PIGL: variants seen among roughly 807,000 people sequenced by gnomAD.
PIGL encodes the protein phosphatidylinositol glycan anchor biosynthesis class L, also known as N-acetylglucosaminyl-phosphatidylinositol de-N-acetylase.
In PIGL, 22 loss-of-function variants were observed where a neutral mutation model predicts 31.1. The ratio of observed to expected loss-of-function variants is 0.71; its 90% CI spans 0.51 to 1.01. The LOEUF (loss-of-function observed/expected upper bound fraction) is 1.01, where lower values mean the gene tolerates loss of function less well. Ranked by LOEUF, PIGL falls within the 50% of genes least tolerant of loss-of-function variation. PIGL has a pLI of 0.00. For synonymous variants in PIGL, 131 were observed against 117.4 expected (o/e 1.12, Z -0.75); for missense variants, 302 against 315.9 (o/e 0.96, Z 0.33).
Position 16,233,965 on chromosome 17 carries a change from C to T in PIGL, c.236-6C>T. 2 of 1,557,346 alleles carry T rather than the reference C, an allele frequency of 1.3e-6. No individual in the cohort carries two copies. The highest frequency in any genetic ancestry group is 8.8e-7 in the Non-Finnish European group (1 of 1,130,204). ...AAATCTACCACTGTATATTTGTTAC[C>T]CTCAGGAAATTACTACAATCAAGGA... On this transcript the variant is annotated splice_region_variant and splice_polypyrimidine_tract_variant and intron_variant, in intron 1 of 6. Transcript: ENST00000225609.
At chr17:16,317,051 C>T in intron 5 of PIGL, 1 of 1,109,742 alleles carries the variant, frequency 9.0e-7, no homozygotes. Flanking sequence ...TAAATGACTG[C>T]TGGGTGCTTG....
At chr17:16,253,599 C>T (rs1313832969) in intron 2 of PIGL, among the ~76,000 whole-genome samples, 1 of 152,144 alleles carries the variant, frequency 6.6e-6, no homozygotes, top group African/African-American at 2.4e-5. Context: ...TGCTCAGCCT[C>T]ATCTTTTAGC....
At chr17:16,235,415 G>A (rs1472318410) in intron 2 of PIGL, among the ~76,000 whole-genome samples, 1 of 115,816 alleles carries the variant, frequency 8.6e-6, no homozygotes, top group Non-Finnish European at 1.9e-5. Flanking sequence ...TTATCTGTTT[G>A]TTTCCTGTAT....
At chr17:16,249,565 G>A (rs2092762423) in intron 2 of PIGL, among the ~76,000 whole-genome samples, 2 of 152,212 alleles carry the variant, frequency 1.3e-5, no homozygotes, top group East Asian at 3.8e-4. Flanking sequence ...TGATTATGGA[G>A]GCTGAGAAGT....
intron 1 of PIGL, among the ~76,000 whole-genome samples, chr17:16,222,703 AGCT>A (rs997643337): frequency 1.3e-5 from 2 of 151,646 alleles, no homozygotes; most frequent in African/African-American, 4.8e-5. Context: ...TAGTTCATCA[AGCT>A]GCTATTAAAA....
At chr17:16,257,617 T>C (rs934993430) in intron 2 of PIGL, among the ~76,000 whole-genome samples, 2 of 151,438 alleles carry the variant, frequency 1.3e-5, no homozygotes, top group African/African-American at 2.4e-5. Context: ...ATCATATATA[T>C]GTATCATATA....
At chr17:16,230,459 AT>A (rs1189889948) in intron 1 of PIGL, among the ~76,000 whole-genome samples, 1 of 152,196 alleles carries the variant, frequency 6.6e-6, no homozygotes, top group African/African-American at 2.4e-5. Flanking sequence ...AGATCTTGAC[AT>A]AGCATCTAAA....
intron 2 of PIGL, among the ~76,000 whole-genome samples, chr17:16,289,785 C>A (rs1367565657): frequency 6.6e-6 from 1 of 151,606 alleles, no homozygotes; most frequent in Non-Finnish European, 1.5e-5. Context: ...CTTTTCTTTT[C>A]TTTTTTTAAA....
At chr17:16,278,371 G>A (rs2092904123) in intron 2 of PIGL, among the ~76,000 whole-genome samples, 1 of 152,144 alleles carries the variant, frequency 6.6e-6, no homozygotes, top group South Asian at 2.1e-4. Flanking sequence ...TTACAAGCAT[G>A]AGCCACTGTG....
At chr17:16,285,256 C>T (rs913409785) in intron 2 of PIGL, among the ~76,000 whole-genome samples, 2 of 152,220 alleles carry the variant, frequency 1.3e-5, no homozygotes, top group Non-Finnish European at 2.9e-5. Context: ...ATACCTAGCA[C>T]TCATGCCTTG....
intron 2 of PIGL, among the ~76,000 whole-genome samples, chr17:16,278,778 C>T (rs2092905957): frequency 6.6e-6 from 1 of 151,390 alleles, no homozygotes; most frequent in South Asian, 2.1e-4. Flanking sequence ...ATTTCACTTT[C>T]CTTGCATGTA....
At chr17:16,316,617 C>T in intron 4 of PIGL, 64 bp from the exon 5 acceptor site, 2 of 1,507,422 alleles carry the variant, frequency 1.3e-6, no homozygotes, top group African/African-American at 1.4e-5. Flanking sequence ...TCTGAAGGCC[C>T]CTCCTGTTAC....
chr17:16,298,040 G>A (rs377625875), intron 2 of PIGL, among the ~76,000 whole-genome samples: 4 of 152,060 alleles, frequency 2.6e-5, no homozygotes, highest in Non-Finnish European at 5.9e-5. Flanking sequence ...TAGGTTGCAC[G>A]CCCCTATGAG....
intron 2 of PIGL, among the ~76,000 whole-genome samples, chr17:16,269,175 G>A (rs572115380): frequency 4.6e-5 from 7 of 152,326 alleles, no homozygotes; most frequent in African/African-American, 1.4e-4. Flanking sequence ...AAACTGAGTC[G>A]GGGGAGATTA....
intron 2 of PIGL, among the ~76,000 whole-genome samples, chr17:16,265,491 C>G (rs1040858772): frequency 1.3e-5 from 2 of 152,126 alleles, no homozygotes; most frequent in African/African-American, 4.8e-5. Flanking sequence ...GCCTGTAATC[C>G]CAGCACTTTG....
chr17:16,217,235 A>G lies in PIGL; in HGVS notation c.9A>G (p.Ala3=). The change falls in exon 1 of 7, where the codon GCA becomes GCG. Residue 3 remains alanine (A), a synonymous_variant. Transcript: ENST00000225609. The part of the protein sequence containing the change: ME[A]MWLLCVALAV... Reference sequence around the variant, plus strand: ...AGTGCTGCTTACCCATCATGGAAGCAATGTGGCTCCTGTGTGTGGCGTTGG... The same window carrying G: ...AGTGCTGCTTACCCATCATGGAAGCGATGTGGCTCCTGTGTGTGGCGTTGG... 1 of 1,614,064 alleles carries G rather than the reference A, an allele frequency of 6.2e-7. No individual in the cohort carries two copies. Among genetic ancestry groups the G allele is most frequent in the Non-Finnish European group, 8.5e-7 (1 of 1,179,932 alleles).
chr17:16,249,526 A>G (rs2092762260), intron 2 of PIGL, among the ~76,000 whole-genome samples: 1 of 152,186 alleles, frequency 6.6e-6, no homozygotes, highest in Non-Finnish European at 1.5e-5. Flanking sequence ...TAGATATATG[A>G]GAGGGGATTT....
chr17:16,247,398 C>T (rs1568793963), intron 2 of PIGL, among the ~76,000 whole-genome samples: 1 of 152,176 alleles, frequency 6.6e-6, no homozygotes, highest in Admixed American at 6.5e-5. Context: ...TAAATAGCCT[C>T]ACCAGCTGTG....
intron 2 of PIGL, among the ~76,000 whole-genome samples, chr17:16,280,954 T>C (rs1985977): frequency 0.98 from 148,483 of 152,176 alleles, 72,497 homozygotes; most frequent in Non-Finnish European, 0.99. Context: ...CCACCCACCT[T>C]GGCCTCCCAA....
Sources: allele counts gnomAD v4.1 joint callset (sites outside exome capture counted in the v4.1 genomes callset), GRCh38; gene constraint gnomAD v4.1.1; transcripts MANE v1.5; gene names NCBI Gene and HGNC (gene_info 2026-07-23, HGNC 2026-07-21).